Variants in FOXN4 observed in about 807,000 individuals in gnomAD.
The protein encoded by FOXN4 is forkhead box protein N4.
FOXN4 carries 12 observed loss-of-function variants against 45.0 expected under a neutral mutation model. The observed-to-expected ratio is 0.27, with a 90% CI of 0.17 to 0.43. FOXN4 has a LOEUF of 0.43. Among genes scored for constraint, FOXN4 ranks in the 20% least tolerant of loss-of-function variants. The probability of loss-of-function intolerance (pLI) is 1.00; values close to 1 mark genes in which losing one functional copy is unlikely to be tolerated. For missense variants in FOXN4, 560 were observed against 694.9 expected, an observed-to-expected ratio of 0.81 and a Z score of 2.18; for synonymous variants, 297 against 295.0, an observed-to-expected ratio of 1.01 and a Z score of -0.07.
In FOXN4 at chr12:109,287,748, G is replaced by A; in HGVS notation, c.468+96C>T. On this transcript the variant is annotated intron_variant, in intron 5 of 9. Transcript: ENST00000299162. The surrounding 1 kb of genome is among the most constrained non-coding windows in gnomAD (Gnocchi z 4.1). ...AGCATGGAGGGAATGTTATCCCCAT[G>A]TGCTGGGTGAGTAAACTGAGGCTCA... 8.2e-7 allele frequency: 1 copy of A among 1,223,772 alleles called. No individual in the cohort carries two copies. Among genetic ancestry groups the A allele is most frequent in the East Asian group, 2.6e-5 (1 of 39,022 alleles). 75.8% of individuals were successfully genotyped at this position (1,223,772 alleles called of 1,614,324 possible).
At position 109,305,662 on chromosome 12, in the gene FOXN4, G is replaced by A. The variant is rs569684345; in HGVS notation, c.86+2574C>T. On this transcript the variant is annotated intron_variant, in intron 2 of 9. Coordinates refer to ENST00000299162, the MANE Select transcript of FOXN4 (RefSeq NM_213596.3). ...GGAGAATTGCTTGAGCCCGGGAGGC[G>A]GAGGTTGCAGTGAACTGAGTTCACA... Among the ~76,000 whole-genome samples the A allele has an allele frequency of 1.2e-3, 177 of 152,242 alleles. 1 individual carries two copies. Among genetic ancestry groups the A allele is most frequent in the African/African-American group, 4.1e-3 (171 of 41,554 alleles).
chr12:109,287,462 GTGGGGC>G lies in FOXN4; in HGVS notation c.525_530del (p.Gln175_Pro176del). On this transcript the variant is annotated inframe_deletion, in exon 6 of 10. Coordinates refer to ENST00000299162, the MANE Select transcript of FOXN4 (RefSeq NM_213596.3). This position sits in a 1 kb window ranked among gnomAD's most constrained non-coding sequence, Gnocchi z 4.1. The stretch of plus-strand genomic sequence containing the variant: ...GTTCTTGAGATGAATGCACAGCCAC[GTGGGGC>G]TGGGGGTAGGGGGGCCGCACCCCAA... The G allele has an allele frequency of 6.4e-7, 1 of 1,551,170 alleles. No individual in the cohort carries two copies. Among genetic ancestry groups the G allele is most frequent in the Non-Finnish European group, 8.7e-7 (1 of 1,146,656 alleles).
chr12:109,288,133 G>C lies in FOXN4; in HGVS notation c.280C>G (p.Pro94Ala), dbSNP rs1450660927. 3 of 1,546,460 alleles carry C rather than the reference G, an allele frequency of 1.9e-6. No homozygotes were observed. Among genetic ancestry groups the C allele is most frequent in the East Asian group, 2.4e-5 (1 of 40,878 alleles). Reference sequence around the variant, plus strand: ...ATGCCTGCTGGGCCATGGAGAAGGGGACTTGGAGTGGCTCCCACATGCAGG... The same window carrying C: ...ATGCCTGCTGGGCCATGGAGAAGGGCACTTGGAGTGGCTCCCACATGCAGG... ...ADLHVGATPS[P>A]LLHGPAGMAP... is the part of the protein sequence containing the mutation. Residue 94 changes from proline (P) to alanine (A), a missense_variant, in exon 4 of 10, where the codon CCC becomes GCC. By Grantham distance (27) the Pro-to-Ala change is conservative. Coordinates refer to ENST00000299162, the MANE Select transcript of FOXN4 (RefSeq NM_213596.3). The surrounding 1 kb of genome is among the most constrained non-coding windows in gnomAD (Gnocchi z 4.3).
At position 109,279,573 on chromosome 12, in the gene FOXN4, G is replaced by A. The variant is rs570551767; in HGVS notation, c.*98C>T. ...TCGCCACAGGTCCAGGAGAGGCTTCGGGGACAATGAGGGACCTGCCTTCTG... is the reference window on the plus strand; with the variant it reads ...TCGCCACAGGTCCAGGAGAGGCTTCAGGGACAATGAGGGACCTGCCTTCTG... On this transcript the variant is annotated 3_prime_UTR_variant, in exon 10 of 10. Transcript: ENST00000299162. 752 of 1,504,216 alleles carry A rather than the reference G, an allele frequency of 5.0e-4. No individual in the cohort carries two copies. Among genetic ancestry groups the A allele is most frequent in the Non-Finnish European group, 6.2e-4 (695 of 1,119,948 alleles). The allele number at this position is 1,504,216 out of a possible 1,614,324, so 93.2% of individuals were successfully genotyped here. A position where few individuals can be genotyped will look rare whatever the true frequency, so the allele number is the denominator to read the frequency against.
chr12:109,278,682 T>C lies in FOXN4; in HGVS notation c.*989A>G. 6.6e-6 allele frequency: 1 copy of C among 152,062 alleles called. No individual in the cohort carries two copies. Among genetic ancestry groups the C allele is most frequent in the Non-Finnish European group, 1.5e-5 (1 of 68,038 alleles). The allele number at this position is 152,062 out of a possible 1,614,324, so 9.4% of individuals were successfully genotyped here. On this transcript the variant is annotated 3_prime_UTR_variant, in exon 10 of 10. Transcript: ENST00000299162. ...CCAGTTCCTCCCTCTCCCATCGCAT[T>C]TTCCCCTTTGAAAGCCCCCCAAGCC...
chr12:109,304,286 AGAAAGAAAG>A (rs752921862), intron 2 of FOXN4, among the ~76,000 whole-genome samples: 7,310 of 62,680 alleles, frequency 0.12, 770 homozygotes, highest in African/African-American at 0.21. Context: ...AAAGAAAGAA[AGAAAGAAAG>A]GAGAAAGAAA....
At chr12:109,284,890 G>T (rs1331219226) in intron 8 of FOXN4, among the ~76,000 whole-genome samples, 1 of 150,902 alleles carries the variant, frequency 6.6e-6, no homozygotes, top group East Asian at 2.0e-4. Context: ...GCACGCATGT[G>T]TGTATTGGTC....
At chr12:109,297,634 A>C (rs77286376) in intron 2 of FOXN4, among the ~76,000 whole-genome samples, 3,220 of 152,264 alleles carry the variant, frequency 0.021, 99 homozygotes, top group East Asian at 0.091. Context: ...CACGGTGCCC[A>C]GCCTCCTTAT....
chr12:109,303,262 G>C (rs1427795468), intron 2 of FOXN4, among the ~76,000 whole-genome samples: 1 of 152,168 alleles, frequency 6.6e-6, no homozygotes, highest in East Asian at 1.9e-4. Context: ...GAAGGGATGG[G>C]AAGACATCGG....
At chr12:109,285,867 C>CTTT (rs10685255) in intron 7 of FOXN4, among the ~76,000 whole-genome samples, 43 of 140,810 alleles carry the variant, frequency 3.1e-4, no homozygotes, top group African/African-American at 1.0e-3. Context: ...TGCAAATTTA[C>CTTT]TTTTTTTTTT....
At chr12:109,305,965 G>A (rs564651605) in intron 2 of FOXN4, among the ~76,000 whole-genome samples, 1 of 152,164 alleles carries the variant, frequency 6.6e-6, no homozygotes, top group South Asian at 2.1e-4. Context: ...GCCCCGCCCT[G>A]TTTTTGGAGA....
rs1426746721 is a variant in FOXN4 at position 109,281,606 on chromosome 12, G to T, written c.1095C>A (p.Val365=). The change falls in exon 9 of 10, where the codon GTC becomes GTA. Residue 365 remains valine (V), a synonymous_variant. Coordinates refer to ENST00000299162, the MANE Select transcript of FOXN4 (RefSeq NM_213596.3). The part of the protein sequence containing the change: ...SLQSVPLHHQ[V]QPQAHLAPDS... ...CTGGAGCAAGATGTGCCTGGGGCTG[G>T]ACCTGGTGGTGCAGGGGGACTGACT... is the stretch of plus-strand genomic sequence containing the variant. 3 of 1,608,776 alleles carry T rather than the reference G, an allele frequency of 1.9e-6. No homozygotes were observed. Among genetic ancestry groups the T allele is most frequent in the Non-Finnish European group, 2.5e-6 (3 of 1,177,614 alleles).
At chr12:109,295,020 C>G (rs2047803551) in intron 2 of FOXN4, among the ~76,000 whole-genome samples, 1 of 152,174 alleles carries the variant, frequency 6.6e-6, no homozygotes, top group Non-Finnish European at 1.5e-5. Flanking sequence ...CAGCCATAGG[C>G]CCTGGGGAGG....
At chr12:109,303,830 C>T (rs1162668432) in intron 2 of FOXN4, among the ~76,000 whole-genome samples, 1 of 152,122 alleles carries the variant, frequency 6.6e-6, no homozygotes, top group Non-Finnish European at 1.5e-5. Context: ...TAAATGTGTG[C>T]CTTTGAGCAA....
chr12:109,306,845 T>C (rs1221190279), intron 2 of FOXN4, among the ~76,000 whole-genome samples: 1 of 152,216 alleles, frequency 6.6e-6, no homozygotes, highest in Admixed American at 6.5e-5. Flanking sequence ...CTGCTAACCC[T>C]TACACTGCCA....
intron 7 of FOXN4, among the ~76,000 whole-genome samples, chr12:109,285,734 G>A (rs2047703667): frequency 6.6e-6 from 1 of 152,178 alleles, no homozygotes; most frequent in Non-Finnish European, 1.5e-5. Flanking sequence ...TTCAGCTCTG[G>A]CCAACTGTTA....
At chr12:109,297,320 C>T (rs1053851386) in intron 2 of FOXN4, among the ~76,000 whole-genome samples, 2 of 152,348 alleles carry the variant, frequency 1.3e-5, no homozygotes, top group Non-Finnish European at 2.9e-5. Flanking sequence ...AGGTTGTCCA[C>T]TCCTTATGAG....
chr12:109,281,291 TG>T, intron 9 of FOXN4, 115 bp downstream of exon 9: 1 of 1,376,112 alleles, frequency 7.3e-7, no homozygotes, highest in Non-Finnish European at 9.9e-7. Flanking sequence ...GTTGTTGCTA[TG>T]GGAACAAGAC....
chr12:109,283,385 G>A (rs1471054055), intron 8 of FOXN4, among the ~76,000 whole-genome samples: 1 of 152,032 alleles, frequency 6.6e-6, no homozygotes. Flanking sequence ...TTTTGGGAGG[G>A]AAGTGAATAT....
Sources: gnomAD v4.1 joint callset for allele counts (sites outside exome capture counted in the v4.1 genomes callset) on GRCh38, gnomAD v4.1.1 for gene constraint, Gnocchi (gnomAD v3.1) non-coding constraint, MANE v1.5 for transcripts, NCBI Gene and HGNC (gene_info 2026-07-23, HGNC 2026-07-21) for gene names.